SGPL1: variants seen among roughly 807,000 people sequenced by gnomAD.
SGPL1 encodes the protein SP-lyase 1.
Under a neutral mutation model 68.9 loss-of-function variants are expected in SGPL1, and 37 were observed. The ratio of observed to expected loss-of-function variants is 0.54; its 90% CI spans 0.41 to 0.71. The LOEUF is 0.71. SGPL1 is among the 30% of genes least tolerant of loss of function. The pLI is 0.00. For synonymous variants in SGPL1, 236 were observed against 248.5 expected, an observed-to-expected ratio of 0.95 and a Z score of 0.47; for missense variants, 551 against 704.6, an observed-to-expected ratio of 0.78 and a Z score of 2.47.
intron 3 of SGPL1, among the ~76,000 whole-genome samples, chr10:70,850,179 A>G (rs1845856349): frequency 6.6e-6 from 1 of 152,128 alleles, no homozygotes; most frequent in Admixed American, 6.5e-5. Context: ...TGATTTTTCA[A>G]ACTTTTTTTT....
chr10:70,817,044 G>C (rs1845245965), intron 2 of SGPL1, among the ~76,000 whole-genome samples, 164 bp downstream of exon 2: 1 of 152,150 alleles, frequency 6.6e-6, no homozygotes, highest in Admixed American at 6.6e-5. Context: ...TTTGGAGACG[G>C]AGTCTCACTC....
chr10:70,834,800 A>C (rs774213834), intron 2 of SGPL1, among the ~76,000 whole-genome samples: 2 of 152,164 alleles, frequency 1.3e-5, no homozygotes, highest in Non-Finnish European at 2.9e-5. Context: ...TGTGCCACTG[A>C]TAGTTTGGCT....
chr10:70,847,086 T>G (rs1466764031), intron 3 of SGPL1, among the ~76,000 whole-genome samples: 1 of 152,162 alleles, frequency 6.6e-6, no homozygotes, highest in Non-Finnish European at 1.5e-5. Context: ...AGTATACTGA[T>G]GAGATATGCC....
chr10:70,849,362 T>C (rs879659059), intron 3 of SGPL1, among the ~76,000 whole-genome samples: 1 of 152,244 alleles, frequency 6.6e-6, no homozygotes, highest in Non-Finnish European at 1.5e-5. Context: ...GTTAATAATG[T>C]AGAAAGTGCT....
At chr10:70,844,724 C>A (rs1280311853) in intron 3 of SGPL1, 86 bp downstream of exon 3, 33 of 1,285,204 alleles carry the variant, frequency 2.6e-5, no homozygotes, top group Non-Finnish European at 3.2e-5. Flanking sequence ...AATTTATTGC[C>A]TTTTGGTTGT....
chr10:70,860,377 CTT>C (rs753683569), intron 7 of SGPL1: 49 of 378,078 alleles, frequency 1.3e-4, no homozygotes, highest in Admixed American at 5.3e-4. Flanking sequence ...AATTTAGTTT[CTT>C]TTTTTTTTTC....
At position 70,844,940 on chromosome 10, in the gene SGPL1, A is replaced by G. The variant is rs1845768994; in HGVS notation, c.193+302A>G. On this transcript the variant is annotated intron_variant, in intron 3 of 14. Transcript: ENST00000373202. ...TTTTTAGTGGAGATGGGGTTTCACC[A>G]TGTTGGTCAGGATGGTCTTGATCTC... 2.6e-5 allele frequency among the ~76,000 whole-genome samples: 4 copies of G among 152,070 alleles called. No homozygotes were observed. In the South Asian group the frequency reaches 8.3e-4, roughly 31 times the overall value.
rs1845509149 is a variant in SGPL1, at chr10:70,830,182, A to G, written c.27+13302A>G. On this transcript the variant is annotated intron_variant, in intron 2 of 14. Transcript: ENST00000373202. ...TTAGCTGAAGGGACATTTGGTGAAC[A>G]CAAATGGAACTGTTAGGTCATGATG... 1.3e-5 allele frequency among the ~76,000 whole-genome samples: 2 copies of G among 152,242 alleles called. 1 individual carries two copies. The highest frequency in any genetic ancestry group is 4.1e-4 in the South Asian group (2 of 4,830).
intron 2 of SGPL1, among the ~76,000 whole-genome samples, chr10:70,843,794 T>C (rs1000424815): frequency 1.3e-5 from 2 of 152,234 alleles, no homozygotes; most frequent in African/African-American, 4.8e-5. Context: ...AATCTGGCTC[T>C]TGCCTGCTTT....
chr10:70,861,625 T>C (rs867411019), intron 7 of SGPL1, among the ~76,000 whole-genome samples: 48 of 152,182 alleles, frequency 3.2e-4, no homozygotes, highest in African/African-American at 1.1e-3. Context: ...CTCCCTCAGC[T>C]TGCAGGGAGG....
At chr10:70,862,669 ACGAACAACTC>A (rs1846095130) in intron 7 of SGPL1, among the ~76,000 whole-genome samples, 1 of 152,094 alleles carries the variant, frequency 6.6e-6, no homozygotes, top group South Asian at 2.1e-4. Flanking sequence ...ACCGGGAGGA[ACGAACAACTC>A]CGGACGCGCT....
rs768691218 is a variant in SGPL1 at position 70,854,859 on chromosome 10, T to C, written c.409+4T>C. The C allele has an allele frequency of 6.3e-7, 1 of 1,596,544 alleles. No homozygotes were observed. Among genetic ancestry groups the C allele is most frequent in the South Asian group, 1.1e-5 (1 of 87,206 alleles). ...CTTAAGGAGTACAGCTCTATGGGTA[T>C]GATGCTTGGCATATACATGCTCTCT... On this transcript the variant is annotated splice_donor_region_variant and intron_variant, in intron 5 of 14. Coordinates refer to ENST00000373202, the MANE Select transcript of SGPL1 (RefSeq NM_003901.4).
intron 5 of SGPL1, among the ~76,000 whole-genome samples, chr10:70,856,068 C>T (rs1465191669): frequency 6.6e-6 from 1 of 152,118 alleles, no homozygotes; most frequent in Non-Finnish European, 1.5e-5. Context: ...GATCTCAGCT[C>T]ACTGCAACTT....
At position 70,871,710 on chromosome 10, in the gene SGPL1, T is replaced by A. The variant is rs187874302; in HGVS notation, c.910-127T>A. The A allele has an allele frequency of 1.4e-3, 1,103 of 812,912 alleles. 10 individuals carry two copies. The African/African-American group carries it at 0.015, about 11-fold the overall frequency. 50.4% of individuals were successfully genotyped at this position (812,912 alleles called of 1,614,324 possible). ...GGGAATGTTAAAAATAGCCATTTTT[T>A]AAAAACATGGGAGGCATAATACAAA... On this transcript the variant is annotated intron_variant, in intron 10 of 14. Coordinates refer to ENST00000373202, the MANE Select transcript of SGPL1 (RefSeq NM_003901.4).
intron 12 of SGPL1, 68 bp from the exon 13 acceptor site, chr10:70,875,334 A>G (rs1323098349): frequency 3.0e-6 from 3 of 1,004,806 alleles, no homozygotes; most frequent in East Asian, 2.4e-5. Flanking sequence ...GATTAAAGAG[A>G]TAGTGACCAG....
chr10:70,835,386 G>A (rs541441766), intron 2 of SGPL1, among the ~76,000 whole-genome samples: 2 of 152,232 alleles, frequency 1.3e-5, no homozygotes, highest in South Asian at 4.2e-4. Context: ...GTTTGGCCCT[G>A]AGTGACTCTT....
intron 2 of SGPL1, among the ~76,000 whole-genome samples, chr10:70,843,808 A>G (rs1845752027): frequency 6.6e-6 from 1 of 152,182 alleles, no homozygotes; most frequent in Non-Finnish European, 1.5e-5. Flanking sequence ...CTGCTTTTAT[A>G]TGGTCCTTGT....
At chr10:70,845,813 A>T (rs1845784388) in intron 3 of SGPL1, among the ~76,000 whole-genome samples, 1 of 152,132 alleles carries the variant, frequency 6.6e-6, no homozygotes, top group African/African-American at 2.4e-5. Context: ...TCCTTGGGAT[A>T]AGAAAACAGT....
chr10:70,826,412 C>T (rs1413117733), intron 2 of SGPL1, among the ~76,000 whole-genome samples: 1 of 152,180 alleles, frequency 6.6e-6, no homozygotes, highest in Non-Finnish European at 1.5e-5. Flanking sequence ...GCCAGGGTAG[C>T]TGCCTGGGGT....
Sources: gnomAD v4.1 joint callset for allele counts (sites outside exome capture counted in the v4.1 genomes callset) on GRCh38, gnomAD v4.1.1 for gene constraint, MANE v1.5 for transcripts, NCBI Gene and HGNC (gene_info 2026-07-23, HGNC 2026-07-21) for gene names.